CPS1: variants seen among roughly 807,000 people sequenced by gnomAD.
CPS1 encodes carbamoyl-phosphate synthase [ammonia], mitochondrial.
In CPS1, 109 loss-of-function variants were observed where a neutral mutation model predicts 174.6. The observed-to-expected ratio is 0.62, with a 90% CI of 0.53 to 0.73. The LOEUF (loss-of-function observed/expected upper bound fraction) is 0.73. Ranked by LOEUF, CPS1 falls within the 30% of genes least tolerant of loss-of-function variation. The pLI, the probability that CPS1 is intolerant of heterozygous loss-of-function variation, is 0.00. For missense variants in CPS1, 1,689 were observed against 1,821.9 expected, an observed-to-expected ratio of 0.93 and a Z score of 1.33; for synonymous variants, 637 against 632.0, an observed-to-expected ratio of 1.01 and a Z score of -0.12.
Position 210,605,183 on chromosome 2 carries a change from G to A in CPS1, c.1918G>A (p.Ala640Thr), listed in dbSNP as rs142693704. Residue 640 changes from alanine to threonine, a missense_variant, in exon 17 of 38, where the codon GCT becomes ACT. Ala to Thr is a moderately conservative substitution (Grantham distance 58). Transcript: ENST00000233072. ...AATAGAATATGAAGTGGTTCGAGAT[G>A]CTGATGACAATTGTGTCACTGTCTG... ...KEIEYEVVRDADDNCVTVCNM... is the reference protein window; with the variant it reads ...KEIEYEVVRDTDDNCVTVCNM... The A allele has an allele frequency of 3.1e-6, 5 of 1,612,280 alleles. No homozygotes were observed. Among genetic ancestry groups the A allele is most frequent in the Non-Finnish European group, 4.2e-6 (5 of 1,178,836 alleles).
intron 24 of CPS1, among the ~76,000 whole-genome samples, chr2:210,641,505 C>T (rs1383192599): frequency 6.6e-6 from 1 of 152,102 alleles, no homozygotes; most frequent in Non-Finnish European, 1.5e-5. Flanking sequence ...GCCCCACCTC[C>T]CAGCACTGTT....
chr2:210,519,147 G>A (rs1451784649), intron 1 of CPS1, among the ~76,000 whole-genome samples: 1 of 151,944 alleles, frequency 6.6e-6, no homozygotes, highest in East Asian at 1.9e-4. Context: ...TTGTATAACT[G>A]TCCCATCTTT....
chr2:210,641,342 T>C (rs1574630787), intron 24 of CPS1, among the ~76,000 whole-genome samples: 1 of 152,190 alleles, frequency 6.6e-6, no homozygotes, highest in South Asian at 2.1e-4. Flanking sequence ...GCCAGGCTAG[T>C]CTCACACTTC....
chr2:210,657,954 A>G (rs1158236236), intron 30 of CPS1, among the ~76,000 whole-genome samples: 4 of 152,222 alleles, frequency 2.6e-5, no homozygotes, highest in African/African-American at 4.8e-5. Context: ...TTTATACCCA[A>G]TTACATTGCT....
chr2:210,622,812 G>T (rs1192814892), intron 21 of CPS1, among the ~76,000 whole-genome samples: 1 of 149,642 alleles, frequency 6.7e-6, no homozygotes, highest in Non-Finnish European at 1.5e-5. Flanking sequence ...AAAAAAGTGA[G>T]AGTACAATTA....
intron 17 of CPS1, 48 bp downstream of exon 17, chr2:210,605,294 C>A (rs369884484): frequency 1.1e-5 from 18 of 1,597,068 alleles, no homozygotes; most frequent in Non-Finnish European, 1.5e-5. Context: ...CAGTTCATGT[C>A]TTTGATGGCC....
chr2:210,507,879 A>G (rs1327349483), intron 1 of CPS1, among the ~76,000 whole-genome samples: 4 of 150,978 alleles, frequency 2.6e-5, no homozygotes, highest in African/African-American at 9.7e-5. Context: ...TTCATAAAGC[A>G]AGTCCTTAGA....
Position 210,675,839 on chromosome 2 carries a change from A to C in CPS1, c.4273A>C (p.Lys1425Gln), listed in dbSNP as rs755580814. 2.2e-6 allele frequency: 3 copies of C among 1,353,302 alleles called. No individual in the cohort carries two copies. Among genetic ancestry groups the C allele is most frequent in the East Asian group, 4.6e-5 (2 of 43,672 alleles). 83.8% of individuals were successfully genotyped at this position (1,353,302 alleles called of 1,614,324 possible). A position where few individuals can be genotyped will look rare whatever the true frequency, so the allele number is the denominator to read the frequency against. Residue 1425 changes from lysine (K) to glutamine (Q), a missense_variant and splice_region_variant, in exon 36 of 38, where the codon AAA becomes CAA. Physicochemically the swap from Lys to Gln is moderately conservative, Grantham distance 53. Transcript: ENST00000233072. ...GAATCCCAGCCTCTCTTCCATCAGA[A>C]AGTAAGAACTAGGCATACTGTTTTC... is the stretch of plus-strand genomic sequence containing the variant. ...GQNPSLSSIR[K>Q]LIRDGSIDLV... is the part of the protein sequence containing the mutation.
intron 21 of CPS1, 97 bp downstream of exon 21, chr2:210,616,638 C>G: frequency 1.2e-6 from 1 of 819,066 alleles, no homozygotes; most frequent in East Asian, 2.5e-5. Flanking sequence ...CATTGTGATT[C>G]AATGAGGTAG....
At chr2:210,493,426 T>C (rs1694918524) in intron 1 of CPS1, among the ~76,000 whole-genome samples, 1 of 152,222 alleles carries the variant, frequency 6.6e-6, no homozygotes, top group Non-Finnish European at 1.5e-5. Context: ...TGCATCATCT[T>C]CCTCCAAGTC....
Position 210,658,648 on chromosome 2 carries a change from C to T in CPS1, c.3716C>T (p.Pro1239Leu). 6.2e-7 allele frequency: 1 copy of T among 1,614,050 alleles called. No individual in the cohort carries two copies. The highest frequency in any genetic ancestry group is 8.5e-7 in the Non-Finnish European group (1 of 1,179,952). ...KIAKAFAISG[P>L]FNVQFLVKGN... ...GCAAAGGCTTTTGCCATCTCTGGTC[C>T]ATTCAACGTCCAATTTCTTGTCAAA... is the stretch of plus-strand genomic sequence containing the variant. Residue 1239 changes from proline (P) to leucine (L), a missense_variant, in exon 31 of 38, where the codon CCA becomes CTA. Transcript: ENST00000233072.
At chr2:210,535,105 A>T (rs965510518) in intron 1 of CPS1, among the ~76,000 whole-genome samples, 2 of 152,162 alleles carry the variant, frequency 1.3e-5, no homozygotes, top group African/African-American at 2.4e-5. Flanking sequence ...TCCTCAGGGG[A>T]TGCTCAAGAA....
upstream of CPS1, chr2:210,555,615 G>A (rs1372448534): frequency 4.4e-6 from 2 of 455,328 alleles, no homozygotes; most frequent in South Asian, 1.6e-5. Context: ...CAATCTTTAT[G>A]TCATTTTCTG....
chr2:210,636,850 CAAAT>C lies in CPS1; in HGVS notation c.2688-848_2688-845del, dbSNP rs1455110894. On this transcript the variant is annotated intron_variant, in intron 21 of 37. Coordinates refer to ENST00000233072, the MANE Select transcript of CPS1 (RefSeq NM_001875.5). ...GGTATTACAGATGAGAGAAACAACACAAATAAAGTCTACGCTATGGAAAGGAGTA... is the reference window on the plus strand; with the variant it reads ...GGTATTACAGATGAGAGAAACAACACAAAGTCTACGCTATGGAAAGGAGTA... Among the ~76,000 whole-genome samples, 5 of 152,194 alleles carry C rather than the reference CAAAT, an allele frequency of 3.3e-5. No individual in the cohort carries two copies. The East Asian group carries it at 7.7e-4, about 23-fold the overall frequency.
chr2:210,639,931 T>G, intron 23 of CPS1, 65 bp from the exon 24 acceptor site: 1 of 1,099,566 alleles, frequency 9.1e-7, no homozygotes, highest in Non-Finnish European at 1.4e-6. Context: ...ATAGGACAAC[T>G]AGTTTAATTA....
chr2:210,603,932 A>T (rs1698814481), intron 16 of CPS1, among the ~76,000 whole-genome samples: 3 of 151,954 alleles, frequency 2.0e-5, no homozygotes. Flanking sequence ...ATAAAAATAA[A>T]AATAAGCTGA....
intron 1 of CPS1, among the ~76,000 whole-genome samples, chr2:210,513,256 C>A (rs1695579915): frequency 2.0e-5 from 3 of 150,968 alleles, no homozygotes; most frequent in African/African-American, 7.3e-5. Flanking sequence ...AATCTCTAAA[C>A]TGCTTTCTAC....
intron 34 of CPS1, among the ~76,000 whole-genome samples, chr2:210,671,240 G>A (rs1215451880): frequency 6.6e-6 from 1 of 152,118 alleles, no homozygotes; most frequent in Non-Finnish European, 1.5e-5. Context: ...TGACATCTGC[G>A]CTTCAGCATC....
At chr2:210,524,371 A>T (rs1465254683) in intron 1 of CPS1, among the ~76,000 whole-genome samples, 2 of 152,048 alleles carry the variant, frequency 1.3e-5, no homozygotes, top group African/African-American at 4.8e-5. Context: ...ACTAATATTT[A>T]TTGAATGCGT....
Sources: gnomAD v4.1 joint callset for allele counts (sites outside exome capture counted in the v4.1 genomes callset) on GRCh38, gnomAD v4.1.1 for gene constraint, MANE v1.5 for transcripts, NCBI Gene and HGNC (gene_info 2026-07-23, HGNC 2026-07-21) for gene names.